Variants in LEKR1 observed in about 807,000 individuals in gnomAD.
LEKR1 encodes the protein protein LEKR1.
A neutral mutation model predicts 72.4 loss-of-function variants in LEKR1; 59 were observed. That is an observed-to-expected ratio of 0.82 (90% CI 0.66 to 1.01). LEKR1 has a LOEUF of 1.01. Among genes scored for constraint, LEKR1 ranks in the 50% least tolerant of loss-of-function variants. LEKR1 has a pLI of 0.00. For missense variants in LEKR1, 728 were observed against 759.2 expected, an observed-to-expected ratio of 0.96 and a Z score of 0.48; for synonymous variants, 257 against 263.2, an observed-to-expected ratio of 0.98 and a Z score of 0.23.
intron 1 of LEKR1, among the ~76,000 whole-genome samples, chr3:156,827,639 T>C (rs563677984): frequency 2.6e-4 from 40 of 152,234 alleles, no homozygotes; most frequent in Non-Finnish European, 5.1e-4. Context: ...GTTGAATGCC[T>C]AATAAAATTG....
At chr3:157,030,558 G>A (rs79885394) in intron 12 of LEKR1, among the ~76,000 whole-genome samples, 13,332 of 152,222 alleles carry the variant, frequency 0.088, 638 homozygotes, top group African/African-American at 0.11. Flanking sequence ...TCGAACATTT[G>A]CATGAAGAGC....
intron 7 of LEKR1, among the ~76,000 whole-genome samples, chr3:156,989,411 T>C (rs1730973385): frequency 6.6e-6 from 1 of 152,232 alleles, no homozygotes; most frequent in South Asian, 2.1e-4. Context: ...AGGCTTTTAA[T>C]GCATAATAAC....
At chr3:156,894,112 C>T (rs1320008330) in intron 3 of LEKR1, among the ~76,000 whole-genome samples, 1 of 152,204 alleles carries the variant, frequency 6.6e-6, no homozygotes, top group Non-Finnish European at 1.5e-5. Context: ...ATGGAGCAGA[C>T]TTCATCTTGG....
chr3:156,968,113 C>T (rs1728801109), intron 6 of LEKR1, among the ~76,000 whole-genome samples: 2 of 152,240 alleles, frequency 1.3e-5, no homozygotes, highest in South Asian at 4.2e-4. Flanking sequence ...CCTAAAAGAG[C>T]TCCTGAAGGA....
At chr3:156,837,047 A>G (rs1713239675) in intron 2 of LEKR1, among the ~76,000 whole-genome samples, 1 of 152,230 alleles carries the variant, frequency 6.6e-6, no homozygotes, top group Non-Finnish European at 1.5e-5. Context: ...AACTTTAATT[A>G]TGGAGAATAA....
At chr3:156,860,334 C>T (rs1716621766) in intron 3 of LEKR1, among the ~76,000 whole-genome samples, 1 of 152,180 alleles carries the variant, frequency 6.6e-6, no homozygotes, top group Non-Finnish European at 1.5e-5. Flanking sequence ...ATTTCCTCTT[C>T]AGTTTCTCCT....
chr3:156,971,167 G>A (rs1432173646), intron 6 of LEKR1, among the ~76,000 whole-genome samples: 3 of 152,130 alleles, frequency 2.0e-5, no homozygotes, highest in Non-Finnish European at 2.9e-5. Context: ...ACAGAAGAGA[G>A]CCCTCAGAAA....
intron 9 of LEKR1, among the ~76,000 whole-genome samples, chr3:157,005,549 A>G (rs1218728858): frequency 2.0e-5 from 3 of 152,188 alleles, no homozygotes; most frequent in Admixed American, 1.3e-4. Context: ...CAAAAATTCT[A>G]AACAAAATTT....
chr3:156,843,820 TTGTGA>T (rs2108533558), intron 2 of LEKR1, among the ~76,000 whole-genome samples: 1 of 151,920 alleles, frequency 6.6e-6, no homozygotes, highest in South Asian at 2.1e-4. Context: ...CCTGGGAAAG[TTGTGA>T]TGTGTGTGTG....
intron 9 of LEKR1, among the ~76,000 whole-genome samples, chr3:156,998,556 G>C (rs1731761064): frequency 6.6e-6 from 1 of 152,084 alleles, no homozygotes; most frequent in African/African-American, 2.4e-5. Flanking sequence ...AACATGATGG[G>C]AACAATGAAG....
At chr3:157,043,711 C>A (rs1429780367) in intron 12 of LEKR1, among the ~76,000 whole-genome samples, 1 of 152,098 alleles carries the variant, frequency 6.6e-6, no homozygotes, top group African/African-American at 2.4e-5. Context: ...CTCTCTATTC[C>A]CTCCTCCCCT....
chr3:156,857,768 T>C (rs555958677), intron 3 of LEKR1, among the ~76,000 whole-genome samples: 3 of 152,330 alleles, frequency 2.0e-5, no homozygotes, highest in Admixed American at 6.5e-5. Flanking sequence ...AAGAGCATTG[T>C]TCTTTTGAAA....
intron 3 of LEKR1, among the ~76,000 whole-genome samples, chr3:156,903,206 G>T (rs1045798403): frequency 5.9e-5 from 9 of 152,080 alleles, no homozygotes; most frequent in African/African-American, 2.2e-4. Flanking sequence ...AATGATGTTA[G>T]AAAATGCCTT....
At chr3:156,866,970 G>T (rs1368725922) in intron 3 of LEKR1, among the ~76,000 whole-genome samples, 1 of 152,018 alleles carries the variant, frequency 6.6e-6, no homozygotes, top group Non-Finnish European at 1.5e-5. Context: ...CTTAAGAAGG[G>T]CTCTGAGTTA....
intron 12 of LEKR1, among the ~76,000 whole-genome samples, chr3:157,034,521 T>A (rs980403385): frequency 6.6e-6 from 1 of 152,202 alleles, no homozygotes; most frequent in African/African-American, 2.4e-5. Context: ...GCTGCAAACT[T>A]GAACATATAA....
intron 5 of LEKR1, among the ~76,000 whole-genome samples, chr3:156,932,492 A>T (rs1245628329): frequency 6.6e-6 from 1 of 152,094 alleles, no homozygotes; most frequent in East Asian, 1.9e-4. Flanking sequence ...GCAAGTCAAT[A>T]GCTTGAGCTC....
chr3:156,931,825 A>G (rs972373601), intron 5 of LEKR1, among the ~76,000 whole-genome samples: 2 of 152,158 alleles, frequency 1.3e-5, no homozygotes, highest in African/African-American at 4.8e-5. Context: ...AATGTTTGCC[A>G]TGGAGGGTAG....
intron 9 of LEKR1, among the ~76,000 whole-genome samples, chr3:156,996,435 GCAGGGT>G (rs1731575161): frequency 6.6e-6 from 1 of 150,402 alleles, no homozygotes; most frequent in Non-Finnish European, 1.5e-5. Context: ...AGTGATGCAG[GCAGGGT>G]CACATCATGC....
chr3:156,876,501 G>A (rs969231926), intron 3 of LEKR1, among the ~76,000 whole-genome samples: 1 of 152,088 alleles, frequency 6.6e-6, no homozygotes, highest in East Asian at 1.9e-4. Context: ...ATTTCTTTCA[G>A]CAGTGTTTTG....
Sources: allele counts gnomAD v4.1 joint callset (sites outside exome capture counted in the v4.1 genomes callset), GRCh38; gene constraint gnomAD v4.1.1; transcripts MANE v1.5; gene names NCBI Gene and HGNC (gene_info 2026-07-23, HGNC 2026-07-21).